The following PADI1 variants were observed in gnomAD, a reference collection of about 807,000 sequenced individuals.
The protein encoded by PADI1 is peptidyl arginine deiminase 1.
A neutral mutation model predicts 74.8 loss-of-function variants in PADI1; 65 were observed. The ratio of observed to expected loss-of-function variants is 0.87; its 90% CI spans 0.71 to 1.07. The LOEUF (loss-of-function observed/expected upper bound fraction) is 1.07. Ranked by LOEUF, PADI1 falls within the 50% of genes least tolerant of loss-of-function variation. The pLI is 0.00. For missense variants in PADI1, 943 were observed against 854.0 expected (o/e 1.10, Z -1.30); for synonymous variants, 371 against 336.2 (o/e 1.10, Z -1.13).
intron 1 of PADI1, among the ~76,000 whole-genome samples, chr1:17,220,248 A>G (rs1439559653): frequency 4.6e-5 from 7 of 152,070 alleles, no homozygotes; most frequent in African/African-American, 2.4e-5. Flanking sequence ...GATGAGCATT[A>G]GGGAGCGCCA....
Position 17,239,725 on chromosome 1 carries a change from G to C in PADI1, c.1574G>C (p.Arg525Thr). Residue 525 changes from arginine to threonine, a missense_variant, in exon 14 of 16, where the codon AGA becomes ACA. Transcript: ENST00000375471. Reference sequence around the variant, plus strand: ...GCAGGGTTAAAACACCAGGCAAAAAGAAGCATTAATGAGATGCTGGCAGAC... The same window carrying C: ...GCAGGGTTAAAACACCAGGCAAAAACAAGCATTAATGAGATGCTGGCAGAC... ...QFDGLKHQAK[R>T]SINEMLADRH... 4 of 1,614,008 alleles carry C rather than the reference G, an allele frequency of 2.5e-6. No individual in the cohort carries two copies. Among genetic ancestry groups the C allele is most frequent in the Non-Finnish European group, 3.4e-6 (4 of 1,179,862 alleles).
At chr1:17,242,530 CGT>C (rs1283797663) in intron 15 of PADI1, among the ~76,000 whole-genome samples, 1 of 152,148 alleles carries the variant, frequency 6.6e-6, no homozygotes, top group Non-Finnish European at 1.5e-5. Context: ...TAGGCTGGAG[CGT>C]GTGTGTCTGT....
At chr1:17,240,081 T>G in intron 14 of PADI1, 3 of 369,430 alleles carry the variant, frequency 8.1e-6, no homozygotes, top group Admixed American at 3.8e-5. Flanking sequence ...TCTGGTGAAA[T>G]GCGAGAGACA....
intron 11 of PADI1, 118 bp downstream of exon 11, chr1:17,233,088 G>T (rs886300747): frequency 4.1e-6 from 4 of 969,786 alleles, no homozygotes; most frequent in African/African-American, 1.7e-5. Flanking sequence ...AACTTCCTGC[G>T]TGGAATCCTG....
chr1:17,233,515 G>A (rs1320310164), intron 11 of PADI1, among the ~76,000 whole-genome samples: 2 of 152,236 alleles, frequency 1.3e-5, no homozygotes, highest in African/African-American at 2.4e-5. Context: ...ATGTGATGGA[G>A]CAGGAAACAA....
intron 1 of PADI1, among the ~76,000 whole-genome samples, chr1:17,221,795 G>A (rs961891775): frequency 1.3e-5 from 2 of 152,206 alleles, no homozygotes; most frequent in Non-Finnish European, 2.9e-5. Flanking sequence ...TGGCAGGGGC[G>A]CATCAGAAGG....
At chr1:17,210,391 C>G (rs1298748426) in intron 1 of PADI1, among the ~76,000 whole-genome samples, 1 of 151,882 alleles carries the variant, frequency 6.6e-6, no homozygotes, top group Non-Finnish European at 1.5e-5. Flanking sequence ...GGGAGAGGAT[C>G]GGTGACTCAC....
At chr1:17,208,811 T>C (rs1183983459) in intron 1 of PADI1, among the ~76,000 whole-genome samples, 1 of 152,232 alleles carries the variant, frequency 6.6e-6, no homozygotes, top group East Asian at 1.9e-4. Flanking sequence ...CCATCTGCGG[T>C]CCTGTGTGGC....
At position 17,225,835 on chromosome 1, in the gene PADI1, G is replaced by A. The variant is rs779590846; in HGVS notation, c.433G>A (p.Gly145Ser). The change falls in exon 5 of 16, where the codon GGC (glycine) becomes AGC (serine). Residue 145 changes from glycine (G) to serine (S), a missense_variant. Coordinates refer to ENST00000375471, the MANE Select transcript of PADI1 (RefSeq NM_013358.3). ...GAAAACCTGGCGCTGGGGCCCTGAG[G>A]GCTATGGGGCTATCTTGCTGGTGAA... ...DKKTWRWGPE[G>S]YGAILLVNCD... 2 of 1,614,080 alleles carry A rather than the reference G, an allele frequency of 1.2e-6. No homozygotes were observed. The highest frequency in any genetic ancestry group is 8.5e-7 in the Non-Finnish European group (1 of 1,179,982).
chr1:17,206,315 C>A (rs539082220), intron 1 of PADI1, among the ~76,000 whole-genome samples: 58 of 152,340 alleles, frequency 3.8e-4, no homozygotes, highest in African/African-American at 1.3e-3. Flanking sequence ...AGCTGCCCAC[C>A]TGGCCTCTGG....
At chr1:17,235,270 G>GGAAGGAAGGAAT (rs2072608782) in intron 11 of PADI1, among the ~76,000 whole-genome samples, 1 of 141,782 alleles carries the variant, frequency 7.1e-6, no homozygotes, top group Non-Finnish European at 1.5e-5. Flanking sequence ...AGGGAAGGAA[G>GGAAGGAAGGAAT]GAAGGAAGGA....
chr1:17,239,820 T>C (rs752956224), intron 14 of PADI1, 37 bp downstream of exon 14: 3 of 1,521,042 alleles, frequency 2.0e-6, no homozygotes, highest in Non-Finnish European at 2.7e-6. Context: ...TAAGGGGTCC[T>C]TTCCCTTCCA....
At chr1:17,226,552 T>C (rs1013603793) in intron 6 of PADI1, among the ~76,000 whole-genome samples, 10 of 152,198 alleles carry the variant, frequency 6.6e-5, no homozygotes, top group Non-Finnish European at 1.0e-4. Context: ...CCAGTGAGGC[T>C]GAGGCCCGGG....
chr1:17,230,557 T>A lies in PADI1; in HGVS notation c.1054-15T>A. On this transcript the variant is annotated splice_polypyrimidine_tract_variant and intron_variant, in intron 9 of 15. Coordinates refer to ENST00000375471, the MANE Select transcript of PADI1 (RefSeq NM_013358.3). Reference sequence around the variant, plus strand: ...GAAAAAGGTCACTGTGGCTTTTTCATCTCTCCCCTCCCAGGACGAGATGGA... The same window carrying A: ...GAAAAAGGTCACTGTGGCTTTTTCAACTCTCCCCTCCCAGGACGAGATGGA... The A allele has an allele frequency of 6.3e-7, 1 of 1,578,900 alleles. No homozygotes were observed. Among genetic ancestry groups the A allele is most frequent in the Non-Finnish European group, 8.6e-7 (1 of 1,156,990 alleles).
rs1489977132 is a variant in PADI1, at chr1:17,240,525, G to A, written c.1633-110G>A. ...ATTGCACAAAGCTGTTGTGAGGCTTGAAGGAGCTAGCGGGCCCAGAGGGCT... is the reference window on the plus strand; with the variant it reads ...ATTGCACAAAGCTGTTGTGAGGCTTAAAGGAGCTAGCGGGCCCAGAGGGCT... On this transcript the variant is annotated intron_variant, in intron 14 of 15. Coordinates refer to ENST00000375471, the MANE Select transcript of PADI1 (RefSeq NM_013358.3). 4.1e-6 allele frequency: 5 copies of A among 1,226,644 alleles called. No homozygotes were observed. In the East Asian group the frequency reaches 1.2e-4, roughly 29 times the overall value. 76.0% of individuals were successfully genotyped at this position (1,226,644 alleles called of 1,614,324 possible). A position where few individuals can be genotyped will look rare whatever the true frequency, so the allele number is the denominator to read the frequency against.
chr1:17,236,426 T>C (rs1006840073), intron 11 of PADI1, among the ~76,000 whole-genome samples: 2 of 152,182 alleles, frequency 1.3e-5, no homozygotes, highest in African/African-American at 4.8e-5. Context: ...TCAGCTTTGC[T>C]GAGAGTCTGC....
In PADI1 at chr1:17,228,688, A is replaced by T; in HGVS notation, c.716A>T (p.Glu239Val). ...LGPQCLSYEV[E>V]RQPGEQEIKF... ...CCCCAGTGTCTGTCCTATGAAGTTG[A>T]GCGACAGCCAGGGGAGCAGGAGATC... Residue 239 changes from glutamate to valine, a missense_variant, in exon 7 of 16, where the codon GAG becomes GTG. Transcript: ENST00000375471. 6.2e-7 allele frequency: 1 copy of T among 1,614,126 alleles called. No individual in the cohort carries two copies. The highest frequency in any genetic ancestry group is 8.5e-7 in the Non-Finnish European group (1 of 1,180,016).
intron 1 of PADI1, among the ~76,000 whole-genome samples, chr1:17,212,182 A>C (rs1440160565): frequency 6.6e-6 from 1 of 152,178 alleles, no homozygotes; most frequent in Non-Finnish European, 1.5e-5. Context: ...TGGTCACCCC[A>C]GGAGATTTGC....
At position 17,244,800 on chromosome 1, in the gene PADI1, T is replaced by C. The variant is rs1247435412; in HGVS notation, c.*557T>C. On this transcript the variant is annotated 3_prime_UTR_variant, in exon 16 of 16. Coordinates refer to ENST00000375471, the MANE Select transcript of PADI1 (RefSeq NM_013358.3). ...ACCCCCATCCAGCACCCTTCAGCTG[T>C]GTGTGGACAAACAAGGACAGAAAAA... is the stretch of plus-strand genomic sequence containing the variant. 4.2e-6 allele frequency: 1 copy of C among 240,768 alleles called. No homozygotes were observed. The highest frequency in any genetic ancestry group is 8.3e-6 in the Non-Finnish European group (1 of 120,390). The allele number at this position is 240,768 out of a possible 1,614,324, so 14.9% of individuals were successfully genotyped here.
Sources: gnomAD v4.1 joint callset for allele counts (sites outside exome capture counted in the v4.1 genomes callset) on GRCh38, gnomAD v4.1.1 for gene constraint, MANE v1.5 for transcripts, NCBI Gene and HGNC (gene_info 2026-07-23, HGNC 2026-07-21) for gene names.